EPHA3: variants seen among roughly 807,000 people sequenced by gnomAD.
EPHA3 encodes ephrin type-A receptor 3.
EPHA3 carries 42 observed loss-of-function variants against 107.1 expected under a neutral mutation model. The ratio of observed to expected loss-of-function variants is 0.39; its 90% CI spans 0.31 to 0.51. The LOEUF is 0.51. Ranked by LOEUF, EPHA3 falls within the 20% of genes least tolerant of loss-of-function variation. The probability of loss-of-function intolerance (pLI) is 0.78; values close to 1 mark genes in which losing one functional copy is unlikely to be tolerated. For synonymous variants in EPHA3, 461 were observed against 424.8 expected, an observed-to-expected ratio of 1.09 and a Z score of -1.05; for missense variants, 1,183 against 1,211.2, an observed-to-expected ratio of 0.98 and a Z score of 0.35.
At chr3:89,197,549 A>G (rs1464534978) in intron 2 of EPHA3, among the ~76,000 whole-genome samples, 6 of 152,142 alleles carry the variant, frequency 3.9e-5, no homozygotes, top group Non-Finnish European at 5.9e-5. Context: ...AATAGTGAAA[A>G]GAAGTGAAGT....
At chr3:89,175,382 A>G (rs946458113) in intron 2 of EPHA3, among the ~76,000 whole-genome samples, 7 of 152,116 alleles carry the variant, frequency 4.6e-5, no homozygotes, top group African/African-American at 1.7e-4. Flanking sequence ...CTTTCTAACT[A>G]CAAGCTGTAG....
At chr3:89,447,133 A>G (rs1380450687) in intron 13 of EPHA3, among the ~76,000 whole-genome samples, 1 of 152,174 alleles carries the variant, frequency 6.6e-6, no homozygotes, top group Non-Finnish European at 1.5e-5. Flanking sequence ...AACTTGATCT[A>G]GGCATATGTA....
At chr3:89,195,065 A>G (rs1705806377) in intron 2 of EPHA3, among the ~76,000 whole-genome samples, 1 of 152,068 alleles carries the variant, frequency 6.6e-6, no homozygotes, top group South Asian at 2.1e-4. Context: ...AAGATTTCTA[A>G]AACTTTAATT....
chr3:89,297,801 G>A (rs1424021695), intron 3 of EPHA3, among the ~76,000 whole-genome samples: 1 of 152,054 alleles, frequency 6.6e-6, no homozygotes, highest in African/African-American at 2.4e-5. Context: ...TTGGGAGGCC[G>A]AGGTGGGCAG....
intron 1 of EPHA3, among the ~76,000 whole-genome samples, chr3:89,119,338 C>G (rs534793452): frequency 1.3e-5 from 2 of 152,184 alleles, no homozygotes; most frequent in Admixed American, 6.5e-5. Flanking sequence ...TCTCATTGGT[C>G]TTTATTTGCA....
chr3:89,409,754 C>A (rs184146114), intron 9 of EPHA3, among the ~76,000 whole-genome samples: 1 of 152,008 alleles, frequency 6.6e-6, no homozygotes, highest in African/African-American at 2.4e-5. Context: ...GCTCTAGCTA[C>A]GAACTGTTCC....
At chr3:89,213,709 G>A (rs560191436) in intron 3 of EPHA3, among the ~76,000 whole-genome samples, 1 of 151,952 alleles carries the variant, frequency 6.6e-6, no homozygotes, top group East Asian at 1.9e-4. Context: ...CTGTAATAAA[G>A]CAACCGTCTA....
chr3:89,389,724 T>A (rs1414773594), intron 5 of EPHA3, among the ~76,000 whole-genome samples: 1 of 152,232 alleles, frequency 6.6e-6, no homozygotes, highest in Non-Finnish European at 1.5e-5. Flanking sequence ...TGTCACCAGA[T>A]CTGGCAGACA....
At chr3:89,317,305 C>T (rs1410015496) in intron 3 of EPHA3, among the ~76,000 whole-genome samples, 1 of 151,708 alleles carries the variant, frequency 6.6e-6, no homozygotes, top group African/African-American at 2.4e-5. Context: ...CAGGACTTTT[C>T]CTATTGATGT....
At chr3:89,445,266 C>G (rs1709858261) in intron 13 of EPHA3, among the ~76,000 whole-genome samples, 1 of 152,116 alleles carries the variant, frequency 6.6e-6, no homozygotes, top group Admixed American at 6.6e-5. Context: ...TGGACTTCAA[C>G]ACTAAAATTG....
At chr3:89,284,850 G>A (rs928602519) in intron 3 of EPHA3, among the ~76,000 whole-genome samples, 6 of 152,120 alleles carry the variant, frequency 3.9e-5, no homozygotes, top group African/African-American at 1.2e-4. Context: ...TGTGTTAGCC[G>A]ATGCGGTGGC....
chr3:89,181,538 T>C (rs1452614209), intron 2 of EPHA3, among the ~76,000 whole-genome samples: 3 of 151,822 alleles, frequency 2.0e-5, no homozygotes, highest in Admixed American at 6.6e-5. Flanking sequence ...TAAAAGACAA[T>C]GTAATGGAGA....
chr3:89,230,602 A>C (rs1344821746), intron 3 of EPHA3, among the ~76,000 whole-genome samples: 1 of 152,080 alleles, frequency 6.6e-6, no homozygotes, highest in Admixed American at 6.6e-5. Context: ...ATACTAAATA[A>C]AAACAATATT....
At chr3:89,354,396 C>G (rs1015911847) in intron 5 of EPHA3, among the ~76,000 whole-genome samples, 4 of 151,050 alleles carry the variant, frequency 2.6e-5, no homozygotes, top group Non-Finnish European at 5.9e-5. Flanking sequence ...AAAGTGTTAT[C>G]TCAGTGTGAA....
At chr3:89,380,665 C>A (rs1200418403) in intron 5 of EPHA3, among the ~76,000 whole-genome samples, 2 of 151,966 alleles carry the variant, frequency 1.3e-5, no homozygotes, top group Non-Finnish European at 2.9e-5. Context: ...ATAATGTAAG[C>A]TGACTAAAAT....
intron 2 of EPHA3, among the ~76,000 whole-genome samples, chr3:89,149,401 A>G (rs1329879764): frequency 6.6e-6 from 1 of 152,032 alleles, no homozygotes; most frequent in Non-Finnish European, 1.5e-5. Context: ...GTGGTATGTC[A>G]TCCATCAGAC....
intron 5 of EPHA3, among the ~76,000 whole-genome samples, chr3:89,381,058 C>T (rs1352179503): frequency 1.3e-5 from 2 of 151,988 alleles, no homozygotes; most frequent in Non-Finnish European, 2.9e-5. Flanking sequence ...CTGCAAGCTC[C>T]ACCTCCTGGT....
In EPHA3 at chr3:89,431,350, TACA is replaced by T; in HGVS notation, c.2342_2344del (p.Thr781del). On this transcript the variant is annotated inframe_deletion, in exon 13 of 17. Transcript: ENST00000336596. Reference sequence around the variant, plus strand: ...TGGAGGATGACCCAGAAGCTGCTTATACAACAAGAGTGAGTAACTTAGATTTTC... The same window carrying T: ...TGGAGGATGACCCAGAAGCTGCTTATACAAGAGTGAGTAACTTAGATTTTC... The T allele has an allele frequency of 6.2e-7, 1 of 1,613,608 alleles. No homozygotes were observed. The highest frequency in any genetic ancestry group is 8.5e-7 in the Non-Finnish European group (1 of 1,179,782).
chr3:89,201,259 G>A (rs113798183), intron 2 of EPHA3, among the ~76,000 whole-genome samples: 2,120 of 152,156 alleles, frequency 0.014, 39 homozygotes, highest in African/African-American at 0.045. Context: ...CATGAAAACA[G>A]AAGGGGAAAA....
Sources: gnomAD v4.1 joint callset for allele counts (sites outside exome capture counted in the v4.1 genomes callset) on GRCh38, gnomAD v4.1.1 for gene constraint, MANE v1.5 for transcripts, NCBI Gene and HGNC (gene_info 2026-07-23, HGNC 2026-07-21) for gene names.